The following TLN2 variants were observed in gnomAD, a reference collection of about 807,000 sequenced individuals.
The protein encoded by TLN2 is talin-2.
Under a neutral mutation model 294.7 loss-of-function variants are expected in TLN2, and 118 were observed. That is an observed-to-expected ratio of 0.40 (90% CI 0.34 to 0.47). The LOEUF (loss-of-function observed/expected upper bound fraction) is 0.47, where lower values mean the gene tolerates loss of function less well. TLN2 is among the 20% of genes least tolerant of loss of function. TLN2 has a pLI of 0.84. For missense variants in TLN2, 3,083 were observed against 3,282.2 expected (o/e 0.94, Z 1.48); for synonymous variants, 1,431 against 1,304.5 (o/e 1.10, Z -2.09).
intron 52 of TLN2, among the ~76,000 whole-genome samples, chr15:62,815,408 A>G (rs781611741): frequency 9.9e-5 from 15 of 152,218 alleles, no homozygotes; most frequent in Non-Finnish European, 2.1e-4. Context: ...TAACAATTCA[A>G]GGAGAATCGA....
chr15:62,809,803 G>C, intron 51 of TLN2, 122 bp from the exon 52 acceptor site: 1 of 827,888 alleles, frequency 1.2e-6, no homozygotes, highest in Admixed American at 2.1e-5. Context: ...TACCTCTTCT[G>C]TCCAGGGAGT....
chr15:62,668,563 A>G (rs1428481930), intron 9 of TLN2, among the ~76,000 whole-genome samples: 1 of 152,162 alleles, frequency 6.6e-6, no homozygotes, highest in African/African-American at 2.4e-5. Flanking sequence ...TGAAATACTG[A>G]TCACGTGGGA....
chr15:62,435,990 A>G (rs925189272), intron 1 of TLN2, among the ~76,000 whole-genome samples: 3 of 152,200 alleles, frequency 2.0e-5, no homozygotes, highest in African/African-American at 7.2e-5. Context: ...ATTTTGTATC[A>G]TGCTCCATGA....
chr15:62,595,415 A>AAG (rs895686069), intron 2 of TLN2, among the ~76,000 whole-genome samples: 1 of 150,992 alleles, frequency 6.6e-6, no homozygotes, highest in African/African-American at 2.4e-5. Context: ...TCCGTCTCAA[A>AAG]AAAAAAAAAA....
chr15:62,444,898 T>C (rs1332979832), intron 1 of TLN2, among the ~76,000 whole-genome samples: 4 of 152,182 alleles, frequency 2.6e-5, no homozygotes. Context: ...ATCTGCAGTG[T>C]TGGTGCATGT....
chr15:62,792,845 G>C, intron 46 of TLN2, 58 bp downstream of exon 46: 1 of 1,593,782 alleles, frequency 6.3e-7, no homozygotes, highest in Non-Finnish European at 8.5e-7. Flanking sequence ...TCAGTGATCC[G>C]CTGTAATCAA....
At chr15:62,678,009 G>T (rs918664992) in intron 11 of TLN2, among the ~76,000 whole-genome samples, 6 of 151,546 alleles carry the variant, frequency 4.0e-5, no homozygotes, top group Non-Finnish European at 8.8e-5. Context: ...TGGTCAGGCT[G>T]GTCTCGAACT....
At chr15:62,833,894 T>A in intron 55 of TLN2, 1 of 382,250 alleles carries the variant, frequency 2.6e-6, no homozygotes, top group African/African-American at 2.0e-5. Context: ...AACGAGATAT[T>A]TATATTCCCA....
At chr15:62,538,695 A>G (rs908819491) in intron 1 of TLN2, among the ~76,000 whole-genome samples, 1 of 152,160 alleles carries the variant, frequency 6.6e-6, no homozygotes, top group Non-Finnish European at 1.5e-5. Flanking sequence ...TGTACCTGTA[A>G]ATTAGAATGT....
At chr15:62,738,164 G>T in intron 29 of TLN2, 50 bp from the exon 30 acceptor site, 1 of 1,601,990 alleles carries the variant, frequency 6.2e-7, no homozygotes, top group Non-Finnish European at 8.5e-7. Context: ...CCCAACAAAT[G>T]TGCAGAAATG....
intron 43 of TLN2, among the ~76,000 whole-genome samples, 192 bp downstream of exon 43, chr15:62,777,102 A>C (rs1248794618): frequency 6.6e-6 from 1 of 152,236 alleles, no homozygotes; most frequent in Non-Finnish European, 1.5e-5. Flanking sequence ...TTTGTAAGCC[A>C]GTTGTGCCTT....
At chr15:62,576,213 G>A (rs1366828467) in intron 1 of TLN2, among the ~76,000 whole-genome samples, 4 of 151,472 alleles carry the variant, frequency 2.6e-5, no homozygotes, top group African/African-American at 7.3e-5. Flanking sequence ...AGTTGTGCTC[G>A]AGATCACGCC....
chr15:62,736,087 C>G (rs2060994736), intron 28 of TLN2, among the ~76,000 whole-genome samples: 1 of 151,936 alleles, frequency 6.6e-6, no homozygotes, highest in Non-Finnish European at 1.5e-5. Context: ...CCGAGGTGGG[C>G]AGATCATGAG....
In TLN2 at chr15:62,473,078, C is replaced by T. The variant is rs945861663; in HGVS notation, c.-238+82393C>T. On this transcript the variant is annotated intron_variant, in intron 1 of 58. Transcript: ENST00000636159. The stretch of plus-strand genomic sequence containing the variant: ...GACCAGTGGGTTTGCAGAAACCTGA[C>T]ACTGGCTTTTCCCAGACTGGGAGGC... 3.9e-5 allele frequency among the ~76,000 whole-genome samples: 6 copies of T among 152,346 alleles called. No individual in the cohort carries two copies. The East Asian group carries it at 1.2e-3, about 29-fold the overall frequency.
chr15:62,492,536 T>C, intron 1 of TLN2, among the ~76,000 whole-genome samples: 1 of 139,070 alleles, frequency 7.2e-6, no homozygotes, highest in East Asian at 2.2e-4. Flanking sequence ...AGAGCGAGAC[T>C]CTGTCTCAAA....
intron 2 of TLN2, among the ~76,000 whole-genome samples, chr15:62,616,060 T>G (rs781387466): frequency 5.3e-5 from 8 of 152,222 alleles, no homozygotes; most frequent in Non-Finnish European, 1.2e-4. Context: ...AATAAGCTTT[T>G]AAGCTCTAAA....
intron 12 of TLN2, among the ~76,000 whole-genome samples, chr15:62,690,966 A>G (rs1344788376): frequency 1.3e-5 from 2 of 148,814 alleles, no homozygotes; most frequent in Non-Finnish European, 3.0e-5. Context: ...TGGCAGCAGT[A>G]CAGTCCAGCT....
In TLN2 at chr15:62,697,819, A is replaced by C. The variant is rs765680282; in HGVS notation, c.1424A>C (p.Gln475Pro). ...TFNVGSMPSP[Q>P]QQVMVGQMHR... Reference sequence around the variant, plus strand: ...AACGTTGGCAGCATGCCCTCGCCACAGCAGCAGGTCATGGTTGGGCAGATG... The same window carrying C: ...AACGTTGGCAGCATGCCCTCGCCACCGCAGCAGGTCATGGTTGGGCAGATG... Residue 475 changes from glutamine to proline, a missense_variant, in exon 15 of 59, where the codon CAG (glutamine) becomes CCG (proline). Coordinates refer to ENST00000636159, the MANE Select transcript of TLN2 (RefSeq NM_015059.3). 6.2e-7 allele frequency: 1 copy of C among 1,612,966 alleles called. No individual in the cohort carries two copies. Among genetic ancestry groups the C allele is most frequent in the Non-Finnish European group, 8.5e-7 (1 of 1,179,892 alleles).
At chr15:62,669,367 G>T (rs370576916) in intron 9 of TLN2, among the ~76,000 whole-genome samples, 3 of 152,158 alleles carry the variant, frequency 2.0e-5, no homozygotes, top group Non-Finnish European at 4.4e-5. Flanking sequence ...AGAGGAGTCT[G>T]TTGGCTGCGA....
Sources: allele counts gnomAD v4.1 joint callset (sites outside exome capture counted in the v4.1 genomes callset), GRCh38; gene constraint gnomAD v4.1.1; transcripts MANE v1.5; gene names NCBI Gene and HGNC (gene_info 2026-07-23, HGNC 2026-07-21).